Variants in HEATR4 observed in about 807,000 individuals in gnomAD.
HEATR4 encodes HEAT repeat-containing protein 4.
HEATR4 carries 95 observed loss-of-function variants against 108.8 expected under a neutral mutation model. The observed-to-expected ratio is 0.87, with a 90% CI of 0.74 to 1.04. The LOEUF (loss-of-function observed/expected upper bound fraction) is 1.04, where lower values mean the gene tolerates loss of function less well. HEATR4 is among the 50% of genes least tolerant of loss of function. The pLI is 0.00. For missense variants in HEATR4, 1,152 were observed against 1,253.8 expected, an observed-to-expected ratio of 0.92 and a Z score of 1.23; for synonymous variants, 443 against 459.4, an observed-to-expected ratio of 0.96 and a Z score of 0.46.
Position 73,495,289 on chromosome 14 carries a change from C to G in HEATR4, c.2724G>C (p.Leu908Phe). The G allele has an allele frequency of 1.2e-6, 2 of 1,614,074 alleles. No individual in the cohort carries two copies. The highest frequency in any genetic ancestry group is 2.2e-5 in the South Asian group (2 of 91,086). Residue 908 changes from leucine (L) to phenylalanine (F), a missense_variant, in exon 16 of 18, where the codon TTG becomes TTC. By Grantham distance (22) the Leu-to-Phe change is conservative (BLOSUM62 0). Coordinates refer to ENST00000553558, the MANE Select transcript of HEATR4 (RefSeq NM_001220484.1). ...KVREEAKRVY[L>F]KPKGEQGPLT... is the part of the protein sequence containing the mutation. ...GTGGTCCTTGTTCTCCTTTGGGTTT[C>G]AAGTAAACACGTTTTGCTTCCTCCC...
At position 73,541,640 on chromosome 14, in the gene HEATR4, C is replaced by T. The variant is rs778418921; in HGVS notation, c.-151-11396G>A. On this transcript the variant is annotated intron_variant, in intron 1 of 17. Transcript: ENST00000553558. ...GAAGACCTCCCCAAGACCATGGAGA[C>T]GCTCCATCTGGAGTACTTTGAAGAA... The T allele has an allele frequency of 9.3e-5, 115 of 1,242,294 alleles. 41 individuals are homozygous for T. The highest frequency in any genetic ancestry group is 8.2e-5 in the South Asian group (6 of 72,874). 77.0% of individuals were successfully genotyped at this position (1,242,294 alleles called of 1,614,324 possible). A position where few individuals can be genotyped will look rare whatever the true frequency, so the allele number is the denominator to read the frequency against.
chr14:73,564,956 T>C, the HEATR4 span, among the ~76,000 whole-genome samples: 1 of 152,068 alleles, frequency 6.6e-6, no homozygotes, highest in African/African-American at 2.4e-5. Context: ...CCTGCTTTTT[T>C]CATCAGTGTG....
intron 15 of HEATR4, among the ~76,000 whole-genome samples, chr14:73,496,357 A>G (rs1886105023): frequency 6.6e-6 from 1 of 152,192 alleles, no homozygotes; most frequent in Non-Finnish European, 1.5e-5. Context: ...TTCTGAAACA[A>G]TGAGGGTTAC....
the HEATR4 span, chr14:73,595,616 C>G: frequency 6.5e-7 from 1 of 1,539,166 alleles, no homozygotes. Context: ...CTGCAAACAC[C>G]TGGGAGGTAC....
At chr14:73,633,704 C>CTTT in the HEATR4 span, 2 of 152,214 alleles carry the variant, frequency 1.3e-5, no homozygotes, top group Non-Finnish European at 2.9e-5. Context: ...CCGGGGTAAA[C>CTTT]TCGCGAGGGG....
chr14:73,555,817 T>TCA lies in HEATR4; in HGVS notation c.-152+2932_-152+2933dup, dbSNP rs1266975414. On this transcript the variant is annotated intron_variant, in intron 1 of 17. Transcript: ENST00000553558. ...AGGAGTTCGAGACCAGCCAGCCTGA[T>TCA]CAACATGGAGAAACCCCATCTCTAC... Among the ~76,000 whole-genome samples the TCA allele has an allele frequency of 5.4e-5, 6 of 111,152 alleles. 3 individuals carry two copies. In the East Asian group the frequency reaches 3.0e-3, roughly 56 times the overall value. 72.9% of individuals were successfully genotyped at this position (111,152 alleles called of 152,430 possible). A position where few individuals can be genotyped will look rare whatever the true frequency, so the allele number is the denominator to read the frequency against.
chr14:73,509,870 T>TATATATATA (rs1887127494), intron 7 of HEATR4, among the ~76,000 whole-genome samples: 1 of 65,126 alleles, frequency 1.5e-5, no homozygotes, highest in Non-Finnish European at 3.3e-5. Context: ...ATATATATAT[T>TATATATATA]TATTTATTTT....
At chr14:73,632,650 C>T in the HEATR4 span, among the ~76,000 whole-genome samples, 35 of 152,012 alleles carry the variant, frequency 2.3e-4, no homozygotes, top group African/African-American at 8.0e-4. Flanking sequence ...TCAAGACCAG[C>T]CTGGCCAACA....
At chr14:73,575,231 C>T in the HEATR4 span, 1 of 919,764 alleles carries the variant, frequency 1.1e-6, no homozygotes, top group Non-Finnish European at 1.6e-6. Flanking sequence ...ATGACCACAA[C>T]TGGAAGAGTG....
the HEATR4 span, among the ~76,000 whole-genome samples, chr14:73,590,669 G>A: frequency 3.9e-5 from 6 of 152,260 alleles, no homozygotes; most frequent in African/African-American, 9.6e-5. Flanking sequence ...CACAGCAGCT[G>A]CTGCCCCAGG....
Position 73,508,309 on chromosome 14 carries a change from T to A in HEATR4, c.1721-15A>T. On this transcript the variant is annotated splice_polypyrimidine_tract_variant and intron_variant, in intron 8 of 17. Transcript: ENST00000553558. The stretch of plus-strand genomic sequence containing the variant: ...CACACTGTTACCTGCCACAGTTGGG[T>A]GAAAAAGAGTTCAGAATGGTGATGT... 6.2e-7 allele frequency: 1 copy of A among 1,612,364 alleles called. No homozygotes were observed. Among genetic ancestry groups the A allele is most frequent in the Non-Finnish European group, 8.5e-7 (1 of 1,179,500 alleles).
At position 73,531,704 on chromosome 14, in the gene HEATR4, C is replaced by T. The variant is rs369853688; in HGVS notation, c.-151-1460G>A. Among the ~76,000 whole-genome samples, 12 of 112,388 alleles carry T rather than the reference C, an allele frequency of 1.1e-4. 3 individuals are homozygous for T. In the East Asian group the frequency reaches 2.9e-3, roughly 27 times the overall value. 73.7% of individuals were successfully genotyped at this position (112,388 alleles called of 152,430 possible). On this transcript the variant is annotated intron_variant, in intron 1 of 17. Coordinates refer to ENST00000553558, the MANE Select transcript of HEATR4 (RefSeq NM_001220484.1). ...GATTTGCAACTGTGAGCCACCACAC[C>T]CAGCCTCTTGGTCATTCTTTGAAAA...
chr14:73,500,913 A>G (rs1429535229), intron 11 of HEATR4, among the ~76,000 whole-genome samples, 183 bp from the exon 12 acceptor site: 1 of 152,166 alleles, frequency 6.6e-6, no homozygotes, highest in Non-Finnish European at 1.5e-5. Context: ...TTGAATCCCT[A>G]ATACATAGCT....
rs149945107 is a variant in HEATR4, at chr14:73,516,147, CAAAAAAA to C, written c.1211-1920_1211-1914del. Among the ~76,000 whole-genome samples the C allele has an allele frequency of 2.2e-3, 20 of 9,156 alleles. 3 individuals carry two copies. Among genetic ancestry groups the C allele is most frequent in the Non-Finnish European group, 2.5e-3 (16 of 6,518 alleles). 6.0% of individuals were successfully genotyped at this position (9,156 alleles called of 152,430 possible). A position where few individuals can be genotyped will look rare whatever the true frequency, so the allele number is the denominator to read the frequency against. On this transcript the variant is annotated intron_variant, in intron 5 of 17. Coordinates refer to ENST00000553558, the MANE Select transcript of HEATR4 (RefSeq NM_001220484.1). ...AGCCATCTTCCACATCAACAGTCAT[CAAAAAAA>C]AAAAAAAAAAAAAAAAAAAGAGTCC...
At chr14:73,502,423 C>T (rs1886528688) in intron 11 of HEATR4, among the ~76,000 whole-genome samples, 1 of 152,170 alleles carries the variant, frequency 6.6e-6, no homozygotes, top group South Asian at 2.1e-4. Context: ...CTACTGGGCA[C>T]TCAATGCTTC....
At chr14:73,490,646 G>C (rs992238995) in intron 17 of HEATR4, among the ~76,000 whole-genome samples, 1 of 152,104 alleles carries the variant, frequency 6.6e-6, no homozygotes, top group Admixed American at 6.6e-5. Flanking sequence ...GTACAGACGG[G>C]GTTTCACCAT....
the HEATR4 span, chr14:73,569,468 C>T: frequency 7.7e-5 from 125 of 1,613,250 alleles, 1 homozygote; most frequent in Middle Eastern, 1.8e-4. Flanking sequence ...GCCGCTGCTG[C>T]TGGGACGAAC....
At chr14:73,558,123 C>A (rs1372335691) in intron 1 of HEATR4, among the ~76,000 whole-genome samples, 1 of 120,044 alleles carries the variant, frequency 8.3e-6, no homozygotes, top group African/African-American at 3.1e-5. Context: ...GAAAGCACAG[C>A]CCAAAGGGTG....
Position 73,500,743 on chromosome 14 carries a change from A to G in HEATR4, c.2106-13T>C, listed in dbSNP as rs200844564. 329 of 1,609,352 alleles carry G rather than the reference A, an allele frequency of 2.0e-4. 1 individual carries two copies. Among genetic ancestry groups the G allele is most frequent in the Non-Finnish European group, 2.6e-4 (305 of 1,176,442 alleles). The stretch of plus-strand genomic sequence containing the variant: ...ACCTAGCTTGACCCTGTAAGGCACA[A>G]GTTGCTTTCCTTTCACCTCCTTAAA... On this transcript the variant is annotated splice_polypyrimidine_tract_variant and intron_variant, in intron 11 of 17. Coordinates refer to ENST00000553558, the MANE Select transcript of HEATR4 (RefSeq NM_001220484.1).
Sources: allele counts gnomAD v4.1 joint callset (sites outside exome capture counted in the v4.1 genomes callset), GRCh38; gene constraint gnomAD v4.1.1; transcripts MANE v1.5; gene names NCBI Gene and HGNC (gene_info 2026-07-23, HGNC 2026-07-21).